DTNB: variants seen among roughly 807,000 people sequenced by gnomAD.
DTNB encodes the protein DTN-B.
A neutral mutation model predicts 90.7 loss-of-function variants in DTNB; 63 were observed. The ratio of observed to expected loss-of-function variants is 0.69; its 90% CI spans 0.57 to 0.86. The LOEUF (loss-of-function observed/expected upper bound fraction) is 0.86, where lower values mean the gene tolerates loss of function less well. DTNB is among the 40% of genes least tolerant of loss of function. The probability of loss-of-function intolerance (pLI) is 0.00; values close to 1 mark genes in which losing one functional copy is unlikely to be tolerated. For missense variants in DTNB, 744 were observed against 807.1 expected (o/e 0.92, Z 0.95); for synonymous variants, 277 against 286.7 (o/e 0.97, Z 0.34).
At chr2:25,491,050 T>TAA (rs925729772) in intron 9 of DTNB, among the ~76,000 whole-genome samples, 29 of 145,196 alleles carry the variant, frequency 2.0e-4, no homozygotes, top group African/African-American at 7.3e-4. Context: ...ATGCTTAATG[T>TAA]AAAAAAAAAA....
chr2:25,457,731 A>G (rs1217858145), intron 10 of DTNB, among the ~76,000 whole-genome samples: 1 of 152,210 alleles, frequency 6.6e-6, no homozygotes, highest in Non-Finnish European at 1.5e-5. Flanking sequence ...TATTTATAGC[A>G]TTCTATTCTT....
chr2:25,500,774 T>C (rs2070413368), intron 9 of DTNB, among the ~76,000 whole-genome samples: 1 of 152,134 alleles, frequency 6.6e-6, no homozygotes. Flanking sequence ...AATGCATAAT[T>C]AATGCATGTA....
chr2:25,566,305 C>A lies in DTNB; in HGVS notation c.876+10533G>T, dbSNP rs575446634. 3.3e-5 allele frequency among the ~76,000 whole-genome samples: 5 copies of A among 152,232 alleles called. No homozygotes were observed. In the East Asian group the frequency reaches 9.6e-4, roughly 29 times the overall value. On this transcript the variant is annotated intron_variant, in intron 8 of 20. Transcript: ENST00000406818. ...CACAGGTGCAACTAAACAAATTGTGCGAACAGGGAGCCAGCAGGAGGCCCT... is the reference window on the plus strand; with the variant it reads ...CACAGGTGCAACTAAACAAATTGTGAGAACAGGGAGCCAGCAGGAGGCCCT...
At chr2:25,611,382 G>A (rs2068577350) in intron 4 of DTNB, among the ~76,000 whole-genome samples, 1 of 152,160 alleles carries the variant, frequency 6.6e-6, no homozygotes, top group African/African-American at 2.4e-5. Context: ...GGGTAAAAGT[G>A]AAACCAGTGG....
At chr2:25,447,499 CTTTTTTTTTTTTT>C (rs34508984) in intron 12 of DTNB, among the ~76,000 whole-genome samples, 1 of 116,028 alleles carries the variant, frequency 8.6e-6, no homozygotes, top group Non-Finnish European at 1.8e-5. Context: ...AGCTAGTTAT[CTTTTTTTTTTTTT>C]TTTTTTTTTG....
chr2:25,389,617 C>T (rs1005733052), intron 16 of DTNB, among the ~76,000 whole-genome samples: 1 of 152,196 alleles, frequency 6.6e-6, no homozygotes, highest in Admixed American at 6.5e-5. Flanking sequence ...CTAGGGTTTT[C>T]TGTGGAAGCA....
Position 25,557,602 on chromosome 2 carries a change from A to C in DTNB, c.876+19236T>G, listed in dbSNP as rs566580769. 2.0e-5 allele frequency among the ~76,000 whole-genome samples: 3 copies of C among 152,308 alleles called. No homozygotes were observed. In the South Asian group the frequency reaches 6.2e-4, roughly 32 times the overall value. ...GGGCCTTTGTTTAAAAAATAAAACA[A>C]AGCAGATTCCTCAGCCTCAACCCAG... On this transcript the variant is annotated intron_variant, in intron 8 of 20. Transcript: ENST00000406818.
intron 16 of DTNB, among the ~76,000 whole-genome samples, chr2:25,403,874 C>T (rs2044368639): frequency 6.6e-6 from 1 of 152,172 alleles, no homozygotes; most frequent in African/African-American, 2.4e-5. Context: ...TCAAGCAATC[C>T]TCCCACATCA....
At chr2:25,434,957 T>G (rs1216646226) in intron 12 of DTNB, among the ~76,000 whole-genome samples, 1 of 152,188 alleles carries the variant, frequency 6.6e-6, no homozygotes, top group Non-Finnish European at 1.5e-5. Context: ...AATAGTAAAT[T>G]TTTTAAAAAT....
At chr2:25,429,402 C>A (rs1403892425) in intron 14 of DTNB, among the ~76,000 whole-genome samples, 1 of 152,024 alleles carries the variant, frequency 6.6e-6, no homozygotes, top group Non-Finnish European at 1.5e-5. Flanking sequence ...TATCTTATGC[C>A]CTTTGTGTCT....
At chr2:25,551,565 G>A (rs1401592647) in intron 8 of DTNB, among the ~76,000 whole-genome samples, 2 of 152,222 alleles carry the variant, frequency 1.3e-5, no homozygotes, top group Non-Finnish European at 2.9e-5. Flanking sequence ...AGTGTTAGCG[G>A]TTCCCTTCTG....
At chr2:25,628,435 C>G in intron 3 of DTNB, 51 bp from the exon 4 acceptor site, 1 of 1,522,326 alleles carries the variant, frequency 6.6e-7, no homozygotes, top group Non-Finnish European at 8.9e-7. Flanking sequence ...GTGGTACTAC[C>G]CTTCACAATA....
At chr2:25,642,256 A>G (rs1046498993) in intron 2 of DTNB, among the ~76,000 whole-genome samples, 1 of 152,148 alleles carries the variant, frequency 6.6e-6, no homozygotes, top group African/African-American at 2.4e-5. Flanking sequence ...ATGAAGCTAA[A>G]TCTTCTAACT....
chr2:25,474,977 T>C (rs1341177853), intron 10 of DTNB, among the ~76,000 whole-genome samples: 1 of 152,250 alleles, frequency 6.6e-6, no homozygotes, highest in Non-Finnish European at 1.5e-5. Context: ...ACCGTTTCAC[T>C]GACCATCTCT....
At chr2:25,478,978 C>G (rs1042087971) in intron 10 of DTNB, among the ~76,000 whole-genome samples, 1 of 152,222 alleles carries the variant, frequency 6.6e-6, no homozygotes, top group African/African-American at 2.4e-5. Context: ...TGGGGGCATT[C>G]CAGCTGCTTT....
chr2:25,631,825 C>T (rs1421868515), intron 3 of DTNB, among the ~76,000 whole-genome samples: 1 of 152,122 alleles, frequency 6.6e-6, no homozygotes, highest in African/African-American at 2.4e-5. Flanking sequence ...GCATAATGAG[C>T]ACTATATAAA....
intron 4 of DTNB, among the ~76,000 whole-genome samples, chr2:25,614,085 A>G (rs912329018): frequency 1.1e-4 from 16 of 152,232 alleles, no homozygotes; most frequent in Non-Finnish European, 7.3e-5. Context: ...AAAGAGAGAA[A>G]GGCGATACGA....
intron 3 of DTNB, among the ~76,000 whole-genome samples, chr2:25,635,072 A>G (rs1203103325): frequency 2.0e-5 from 3 of 149,166 alleles, no homozygotes; most frequent in Non-Finnish European, 4.5e-5. Flanking sequence ...ATAAAAAAAT[A>G]AAAAAAGAAA....
chr2:25,431,015 C>T (rs2053679059), intron 14 of DTNB, among the ~76,000 whole-genome samples: 1 of 152,176 alleles, frequency 6.6e-6, no homozygotes, highest in East Asian at 1.9e-4. Flanking sequence ...TCCCTGGCCT[C>T]ATATATACTG....
Sources: allele counts gnomAD v4.1 joint callset (sites outside exome capture counted in the v4.1 genomes callset), GRCh38; gene constraint gnomAD v4.1.1; transcripts MANE v1.5; gene names NCBI Gene and HGNC (gene_info 2026-07-23, HGNC 2026-07-21).